Variants in GPR89B observed in about 807,000 individuals in gnomAD.
GPR89B encodes the protein G protein-coupled receptor 89B.
In GPR89B, 25 loss-of-function variants were observed where a neutral mutation model predicts 52.4. That is an observed-to-expected ratio of 0.48 (90% CI 0.35 to 0.67). The LOEUF (loss-of-function observed/expected upper bound fraction) is 0.67. Among genes scored for constraint, GPR89B ranks in the 30% least tolerant of loss-of-function variants. The pLI is 0.01. For missense variants in GPR89B, 146 were observed against 450.2 expected (o/e 0.32, Z 6.11); for synonymous variants, 52 against 151.2 (o/e 0.34, Z 4.81).
chr1:147,968,608 T>C lies in GPR89B; in HGVS notation c.728-267T>C, dbSNP rs1657200759. 2.9e-5 allele frequency: 16 copies of C among 561,388 alleles called. No individual in the cohort carries two copies. The South Asian group carries it at 3.3e-4, about 11-fold the overall frequency. The allele number at this position is 561,388 out of a possible 1,614,324, so 34.8% of individuals were successfully genotyped here. A position where few individuals can be genotyped will look rare whatever the true frequency, so the allele number is the denominator to read the frequency against. ...CTAACTAGATAAATCAAAAAACAAA[T>C]GAAACTATCTGTTTGAGCTGCTTGA... is the stretch of plus-strand genomic sequence containing the variant. On this transcript the variant is annotated intron_variant, in intron 8 of 13. Coordinates refer to ENST00000314163, the MANE Select transcript of GPR89B (RefSeq NM_016334.5).
chr1:147,977,605 G>A (rs1298891205), intron 10 of GPR89B, among the ~76,000 whole-genome samples: 4 of 150,888 alleles, frequency 2.7e-5, no homozygotes, highest in East Asian at 1.9e-4. Flanking sequence ...CGTTCTCCCC[G>A]TCTCTTCCAG....
At chr1:147,979,585 A>G (rs1658084081) in intron 10 of GPR89B, among the ~76,000 whole-genome samples, 1 of 152,056 alleles carries the variant, frequency 6.6e-6, no homozygotes, top group South Asian at 2.1e-4. Flanking sequence ...AGTATTGTTA[A>G]TCATGAAAAG....
the GPR89B span, among the ~76,000 whole-genome samples, chr1:147,998,899 AAATG>A: frequency 6.6e-5 from 10 of 151,282 alleles, no homozygotes; most frequent in African/African-American, 2.4e-4. Flanking sequence ...AAAAAAAAAA[AAATG>A]AGATTTTATT....
chr1:148,004,386 C>T, the GPR89B span, among the ~76,000 whole-genome samples: 4 of 149,914 alleles, frequency 2.7e-5, no homozygotes, highest in African/African-American at 9.8e-5. Context: ...AGGATGGTCT[C>T]GATCTCCTGA....
intron 7 of GPR89B, among the ~76,000 whole-genome samples, chr1:147,965,384 A>G (rs1400351978): frequency 6.6e-6 from 1 of 151,608 alleles, no homozygotes; most frequent in African/African-American, 2.4e-5. Flanking sequence ...TTGCCTCCCA[A>G]AAATATCCAC....
At chr1:148,000,235 C>T in the GPR89B span, among the ~76,000 whole-genome samples, 1 of 150,880 alleles carries the variant, frequency 6.6e-6, no homozygotes, top group Admixed American at 6.6e-5. Flanking sequence ...TATCTAGTGC[C>T]ACTTTAAGTA....
At chr1:148,003,420 T>C in the GPR89B span, among the ~76,000 whole-genome samples, 2 of 152,106 alleles carry the variant, frequency 1.3e-5, no homozygotes, top group East Asian at 1.9e-4. Flanking sequence ...CACTTCATTG[T>C]GTTCAGTGAC....
At position 147,970,453 on chromosome 1, in the gene GPR89B, C is replaced by T. The variant is rs1478439382; in HGVS notation, c.909+494C>T. Among the ~76,000 whole-genome samples the T allele has an allele frequency of 5.0e-3, 753 of 151,826 alleles. 2 individuals carry two copies. The highest frequency in any genetic ancestry group is 0.017 in the African/African-American group (714 of 41,368). On this transcript the variant is annotated intron_variant, in intron 10 of 13. Coordinates refer to ENST00000314163, the MANE Select transcript of GPR89B (RefSeq NM_016334.5). Reference sequence around the variant, plus strand: ...CGGACGTTGCAGTGAGCTAAGATCACGCCACTGCACTCCAGCCTGGGGAGA... The same window carrying T: ...CGGACGTTGCAGTGAGCTAAGATCATGCCACTGCACTCCAGCCTGGGGAGA...
chr1:147,943,325 T>C (rs1654701716), intron 3 of GPR89B, 113 bp from the exon 4 acceptor site: 14 of 1,521,202 alleles, frequency 9.2e-6, no homozygotes, highest in African/African-American at 4.2e-5. Context: ...GCTGATTAGA[T>C]AGGATATATT....
intron 5 of GPR89B, among the ~76,000 whole-genome samples, chr1:147,947,649 T>C (rs202123357): frequency 0.044 from 6,667 of 151,848 alleles, 172 homozygotes; most frequent in African/African-American, 0.074. Flanking sequence ...CAGAAAAAGA[T>C]ATGTAATAAA....
intron 10 of GPR89B, among the ~76,000 whole-genome samples, chr1:147,978,404 A>G (rs1468251108): frequency 2.0e-5 from 3 of 151,776 alleles, no homozygotes; most frequent in Non-Finnish European, 4.4e-5. Flanking sequence ...GCCGGCAGGA[A>G]CGTTCCTGTA....
intron 5 of GPR89B, among the ~76,000 whole-genome samples, chr1:147,946,286 C>G (rs1227929858): frequency 1.3e-5 from 2 of 152,172 alleles, no homozygotes; most frequent in African/African-American, 2.4e-5. Context: ...TGTTATTTGT[C>G]TTTGTATCCC....
intron 11 of GPR89B, among the ~76,000 whole-genome samples, chr1:147,988,133 G>C (rs1157091080): frequency 2.6e-5 from 4 of 151,528 alleles, no homozygotes; most frequent in African/African-American, 4.9e-5. Context: ...TGGGAGTATT[G>C]CTTGAGCCCA....
chr1:147,991,923 A>T (rs1156457452), intron 12 of GPR89B, among the ~76,000 whole-genome samples: 5 of 151,982 alleles, frequency 3.3e-5, no homozygotes, highest in Non-Finnish European at 7.4e-5. Context: ...TGTCTCTGCC[A>T]GGTTTTGGTA....
At chr1:147,990,734 G>C (rs1206171159) in intron 12 of GPR89B, among the ~76,000 whole-genome samples, 1 of 151,630 alleles carries the variant, frequency 6.6e-6, no homozygotes, top group African/African-American at 2.4e-5. Flanking sequence ...GTTTTTGTCA[G>C]GTTTGTCAAA....
At position 147,928,555 on chromosome 1, in the gene GPR89B, T is replaced by C. The variant is rs1231307317; in HGVS notation, c.19T>C (p.Ser7Pro). Reference protein sequence around the residue: MSFLIDSSIMITSQILF... With the variant: MSFLIDPSIMITSQILF... ...CTTCGCCATGAGTTTCCTGATCGAC[T>C]CCAGCATCATGATTACCTCCCAGGT... The change falls in exon 1 of 14, where the codon TCC becomes CCC. Residue 7 changes from serine to proline, a missense_variant. Transcript: ENST00000314163. The C allele has an allele frequency of 1.2e-6, 2 of 1,613,752 alleles. No individual in the cohort carries two copies. The highest frequency in any genetic ancestry group is 4.5e-5 in the East Asian group (2 of 44,872).
chr1:147,950,044 C>T (rs587765059), intron 5 of GPR89B, among the ~76,000 whole-genome samples: 15 of 147,490 alleles, frequency 1.0e-4, no homozygotes, highest in Admixed American at 2.7e-4. Context: ...ACCTCCCTCC[C>T]GGACGGGGCG....
chr1:147,969,376 A>G lies in GPR89B; in HGVS notation c.816+413A>G, dbSNP rs1311554670. ...CAGATCAATAAGTGTCGAAACTGTA[A>G]GAAGTAACTTTCCTATGTACACCTA... On this transcript the variant is annotated intron_variant, in intron 9 of 13. Coordinates refer to ENST00000314163, the MANE Select transcript of GPR89B (RefSeq NM_016334.5). 1.4e-5 allele frequency: 3 copies of G among 217,992 alleles called. No individual in the cohort carries two copies. The South Asian group carries it at 2.5e-4, about 18-fold the overall frequency. The allele number at this position is 217,992 out of a possible 1,614,324, so 13.5% of individuals were successfully genotyped here.
chr1:147,996,525 C>T (rs1659320923), downstream of GPR89B: 1 of 1,583,778 alleles, frequency 6.3e-7, no homozygotes, highest in Non-Finnish European at 8.6e-7. Flanking sequence ...TACCATACCT[C>T]TTTGATGAAT....
Sources: gnomAD v4.1 joint callset for allele counts (sites outside exome capture counted in the v4.1 genomes callset) on GRCh38, gnomAD v4.1.1 for gene constraint, MANE v1.5 for transcripts, NCBI Gene and HGNC (gene_info 2026-07-23, HGNC 2026-07-21) for gene names.